Variants in CLVS2 observed in about 807,000 individuals in gnomAD.
CLVS2 encodes clavesin-2.
A neutral mutation model predicts 29.0 loss-of-function variants in CLVS2; 19 were observed. The observed-to-expected ratio is 0.66, with a 90% confidence interval of 0.46 to 0.96. The LOEUF is 0.96. Ranked by LOEUF, CLVS2 falls within the 40% of genes least tolerant of loss-of-function variation. The pLI, the probability that CLVS2 is intolerant of heterozygous loss-of-function variation, is 0.00. For synonymous variants in CLVS2, 161 were observed against 151.3 expected, an observed-to-expected ratio of 1.06 and a Z score of -0.47; for missense variants, 294 against 404.1, an observed-to-expected ratio of 0.73 and a Z score of 2.34.
In CLVS2 at chr6:123,072,187, C is replaced by T. The variant is rs1772960643; in HGVS notation, c.*8426C>T. The T allele has an allele frequency of 6.6e-6, 1 of 151,976 alleles. No individual in the cohort carries two copies. The highest frequency in any genetic ancestry group is 6.6e-5 in the Admixed American group (1 of 15,212). 9.4% of individuals were successfully genotyped at this position (151,976 alleles called of 1,614,324 possible). On this transcript the variant is annotated 3_prime_UTR_variant, in exon 6 of 6. Coordinates refer to ENST00000275162, the MANE Select transcript of CLVS2 (RefSeq NM_001010852.4). The stretch of plus-strand genomic sequence containing the variant: ...TTTCCCAACACTGTAATAATTTAAG[C>T]CTCCTGTTTTATAATCTTCTATCAG...
intron 4 of CLVS2, among the ~76,000 whole-genome samples, chr6:123,051,568 T>G (rs1404270959): frequency 6.6e-6 from 1 of 152,176 alleles, no homozygotes; most frequent in African/African-American, 2.4e-5. Flanking sequence ...TCCTGCTACT[T>G]AAAAGTTGAT....
chr6:123,015,673 C>A (rs1441833958), intron 3 of CLVS2, among the ~76,000 whole-genome samples: 2 of 152,046 alleles, frequency 1.3e-5, no homozygotes, highest in Admixed American at 6.6e-5. Flanking sequence ...ATAGACAGTG[C>A]AATTCTAACT....
At chr6:123,006,869 A>G (rs983980969) in intron 2 of CLVS2, among the ~76,000 whole-genome samples, 8 of 152,164 alleles carry the variant, frequency 5.3e-5, no homozygotes, top group Admixed American at 4.6e-4. Context: ...GAGATACTAT[A>G]TGATGACAGC....
At chr6:123,031,287 T>A (rs1455847407) in intron 3 of CLVS2, among the ~76,000 whole-genome samples, 1 of 152,042 alleles carries the variant, frequency 6.6e-6, no homozygotes, top group Non-Finnish European at 1.5e-5. Context: ...CTCAATCCTA[T>A]CTAAAATGTT....
chr6:123,065,359 A>AT lies in CLVS2; in HGVS notation c.*1604dup, dbSNP rs1377125356. 1 of 151,810 alleles carries AT rather than the reference A, an allele frequency of 6.6e-6. No homozygotes were observed. Among genetic ancestry groups the AT allele is most frequent in the African/African-American group, 2.4e-5 (1 of 41,404 alleles). 9.4% of individuals were successfully genotyped at this position (151,810 alleles called of 1,614,324 possible). On this transcript the variant is annotated 3_prime_UTR_variant, in exon 6 of 6. Coordinates refer to ENST00000275162, the MANE Select transcript of CLVS2 (RefSeq NM_001010852.4). The stretch of plus-strand genomic sequence containing the variant: ...AATAAAGGCATGTGTCAGCCTTCAT[A>AT]TTTTTTGGCCAAAAGCTCCCAAAAT...
intron 5 of CLVS2, among the ~76,000 whole-genome samples, chr6:123,058,300 C>T (rs901845866): frequency 5.3e-5 from 8 of 152,290 alleles, no homozygotes; most frequent in Admixed American, 1.3e-4. Flanking sequence ...GCCTACCCTT[C>T]GTGGCACAGA....
intron 2 of CLVS2, among the ~76,000 whole-genome samples, chr6:123,004,870 G>T (rs1774641160): frequency 6.6e-6 from 1 of 151,876 alleles, no homozygotes; most frequent in Non-Finnish European, 1.5e-5. Context: ...CTGAGATCGT[G>T]CCATTGCACT....
intron 3 of CLVS2, 70 bp from the exon 4 acceptor site, chr6:123,048,552 A>G: frequency 9.8e-7 from 1 of 1,020,808 alleles, no homozygotes; most frequent in Non-Finnish European, 1.5e-6. Flanking sequence ...TGTATACCAT[A>G]TAACCTTTCC....
Position 122,998,020 on chromosome 6 carries a change from G to GA in CLVS2, c.245dup (p.Asn82LysfsTer9). 1 of 1,614,180 alleles carries GA rather than the reference G, an allele frequency of 6.2e-7. No individual in the cohort carries two copies. The highest frequency in any genetic ancestry group is 8.5e-7 in the Non-Finnish European group (1 of 1,180,024). The stretch of plus-strand genomic sequence containing the variant: ...CGCAGTACTTTGAGTACCGGCAGCA[G>GA]AACCTGGACATGTTCAAAAGCTTTA... On this transcript the variant is annotated frameshift_variant, in exon 2 of 6. Coordinates refer to ENST00000275162, the MANE Select transcript of CLVS2 (RefSeq NM_001010852.4). LOFTEE classifies it high-confidence loss of function.
chr6:123,047,328 C>G (rs557629167), intron 3 of CLVS2, among the ~76,000 whole-genome samples: 8 of 151,928 alleles, frequency 5.3e-5, no homozygotes, highest in Non-Finnish European at 1.2e-4. Flanking sequence ...TTATAATAAC[C>G]TCTCAATGAA....
intron 5 of CLVS2, among the ~76,000 whole-genome samples, chr6:123,058,408 T>C (rs2114366433): frequency 6.6e-6 from 1 of 152,284 alleles, no homozygotes; most frequent in Non-Finnish European, 1.5e-5. Flanking sequence ...CCCTTTTTCT[T>C]CAGCCATTCT....
chr6:123,050,120 G>C (rs1772582624), intron 4 of CLVS2, among the ~76,000 whole-genome samples: 1 of 152,126 alleles, frequency 6.6e-6, no homozygotes, highest in African/African-American at 2.4e-5. Flanking sequence ...TAGTTTAGGA[G>C]GAAGAATTCT....
At position 123,053,261 on chromosome 6, in the gene CLVS2, T is replaced by C. The variant is rs1432094083; in HGVS notation, c.676-2545T>C. Among the ~76,000 whole-genome samples, 62 of 152,094 alleles carry C rather than the reference T, an allele frequency of 4.1e-4. 1 individual carries two copies. Among genetic ancestry groups the C allele is most frequent in the Non-Finnish European group, 1.5e-5 (1 of 68,022 alleles). On this transcript the variant is annotated intron_variant, in intron 4 of 5. Coordinates refer to ENST00000275162, the MANE Select transcript of CLVS2 (RefSeq NM_001010852.4). ...CGAGAGGCTGAGGCAGGAGAATCGC[T>C]TGAACCCAGGAGGCGGAGGTTGCAG...
chr6:123,017,024 C>A (rs75695128), intron 3 of CLVS2, among the ~76,000 whole-genome samples: 314 of 152,006 alleles, frequency 2.1e-3, no homozygotes, highest in African/African-American at 7.2e-3. Flanking sequence ...ATAGCATTTG[C>A]TTATTCAGTC....
At chr6:123,043,744 A>G (rs1359762746) in intron 3 of CLVS2, among the ~76,000 whole-genome samples, 1 of 152,184 alleles carries the variant, frequency 6.6e-6, no homozygotes, top group Non-Finnish European at 1.5e-5. Context: ...TGATGACTGT[A>G]CCAGAAATTA....
intron 2 of CLVS2, among the ~76,000 whole-genome samples, chr6:123,000,743 C>A (rs1774578091): frequency 6.6e-6 from 1 of 152,184 alleles, no homozygotes; most frequent in Non-Finnish European, 1.5e-5. Context: ...TGGATTTCTC[C>A]AGAAGACTGC....
intron 3 of CLVS2, among the ~76,000 whole-genome samples, chr6:123,034,016 C>T (rs1020453126): frequency 6.6e-6 from 1 of 152,040 alleles, no homozygotes; most frequent in Non-Finnish European, 1.5e-5. Context: ...TGAGATATCA[C>T]TACATACCTC....
chr6:123,030,428 G>A (rs1441317050), intron 3 of CLVS2, among the ~76,000 whole-genome samples: 1 of 152,164 alleles, frequency 6.6e-6, no homozygotes, highest in Non-Finnish European at 1.5e-5. Context: ...TCATTTTGAA[G>A]TCAAGCTTTA....
rs1236386594 is a variant in CLVS2 at position 123,071,867 on chromosome 6, G to A, written c.*8106G>A. 6.6e-6 allele frequency: 1 copy of A among 151,980 alleles called. No homozygotes were observed. The highest frequency in any genetic ancestry group is 2.4e-5 in the African/African-American group (1 of 41,420). The allele number at this position is 151,980 out of a possible 1,614,324, so 9.4% of individuals were successfully genotyped here. A position where few individuals can be genotyped will look rare whatever the true frequency, so the allele number is the denominator to read the frequency against. ...ATTTTTATGTTGAAAATTTATAGCT[G>A]TGACACAAGATGATAGAAATTGCTC... is the stretch of plus-strand genomic sequence containing the variant. On this transcript the variant is annotated 3_prime_UTR_variant, in exon 6 of 6. Coordinates refer to ENST00000275162, the MANE Select transcript of CLVS2 (RefSeq NM_001010852.4).
Sources: allele counts gnomAD v4.1 joint callset (sites outside exome capture counted in the v4.1 genomes callset), GRCh38; gene constraint gnomAD v4.1.1; transcripts MANE v1.5; gene names NCBI Gene and HGNC (gene_info 2026-07-23, HGNC 2026-07-21).